Variants in APC observed in about 807,000 individuals in gnomAD.
APC encodes APC regulator of Wnt signaling pathway.
In APC, 72 loss-of-function variants were observed where a neutral mutation model predicts 247.0. That is an observed-to-expected ratio of 0.29 (90% CI 0.24 to 0.35). The LOEUF is 0.35. APC is among the 10% of genes least tolerant of loss of function. APC has a pLI of 1.00. For missense variants in APC, 3,400 were observed against 3,360.7 expected (o/e 1.01, Z -0.29); for synonymous variants, 1,254 against 1,162.5 (o/e 1.08, Z -1.60).
intron 10 of APC, among the ~76,000 whole-genome samples, chr5:112,821,524 TTAAAG>T (rs1180109479): frequency 6.6e-6 from 1 of 151,892 alleles, no homozygotes; most frequent in Non-Finnish European, 1.5e-5. Context: ...TGTTGTTTTT[TTAAAG>T]AAAGAAAGAA....
At chr5:112,708,324 C>A (rs1482938722) in intron 1 of APC, among the ~76,000 whole-genome samples, 1 of 152,210 alleles carries the variant, frequency 6.6e-6, no homozygotes, top group Non-Finnish European at 1.5e-5. Flanking sequence ...TATCCAAAGG[C>A]CGGTGAATTT....
chr5:112,791,945 A>G (rs1025199090), intron 6 of APC, among the ~76,000 whole-genome samples: 2 of 152,142 alleles, frequency 1.3e-5, no homozygotes, highest in African/African-American at 4.8e-5. Context: ...GTGTATTACA[A>G]AAAATTGAAC....
intron 6 of APC, among the ~76,000 whole-genome samples, chr5:112,791,289 C>T (rs1561500256): frequency 6.6e-6 from 1 of 152,156 alleles, no homozygotes; most frequent in Non-Finnish European, 1.5e-5. Flanking sequence ...TCTTTATGAT[C>T]CTAGTGTTGG....
At position 112,844,079 on chromosome 5, in the gene APC, C is replaced by G. The variant is rs2150006216; in HGVS notation, c.8485C>G (p.Gln2829Glu). 6.2e-7 allele frequency: 1 copy of G among 1,609,034 alleles called. No individual in the cohort carries two copies. The highest frequency in any genetic ancestry group is 1.7e-5 in the Admixed American group (1 of 58,650). Residue 2829 changes from glutamine to glutamate, a missense_variant, in exon 16 of 16, where the codon CAA becomes GAA. By Grantham distance (29) the Gln-to-Glu change is conservative. This residue lies in a region of APC where 1,788 missense variants were observed against 1,649.5 expected (regional missense o/e 1.08). Coordinates refer to ENST00000257430, the MANE Select transcript of APC (RefSeq NM_000038.6). Reference protein sequence around the residue: ...KTDSTESSGTQSPKRHSGSYL... With the variant: ...KTDSTESSGTESPKRHSGSYL... Reference sequence around the variant, plus strand: ...TGACAGCACAGAATCCAGTGGAACCCAAAGTCCTAAGCGCCATTCTGGGTC... The same window carrying G: ...TGACAGCACAGAATCCAGTGGAACCGAAAGTCCTAAGCGCCATTCTGGGTC...
In APC at chr5:112,755,181, A is replaced by G. The variant is rs922713409; in HGVS notation, c.135+156A>G. The G allele has an allele frequency of 8.0e-6, 5 of 628,420 alleles. No individual in the cohort carries two copies. In the African/African-American group the frequency reaches 1.0e-4, roughly 13 times the overall value. The allele number at this position is 628,420 out of a possible 1,614,324, so 38.9% of individuals were successfully genotyped here. ...CAAAAGTTAGCATTTATATTTTTAA[A>G]TAAGATATATTGAATTCATTCAGTG... On this transcript the variant is annotated intron_variant, in intron 2 of 15. Transcript: ENST00000257430.
Position 112,840,262 on chromosome 5 carries a change from T to G in APC, c.4668T>G (p.Thr1556=), listed in dbSNP as rs1554086074. Residue 1556 remains threonine (T), a synonymous_variant, in exon 16 of 16, where the codon ACT becomes ACG. Coordinates refer to ENST00000257430, the MANE Select transcript of APC (RefSeq NM_000038.6). The surrounding 1 kb of genome is among the most constrained non-coding windows in gnomAD (Gnocchi z 4.1). ...ACCAAGAGAAAGAGGCAGAAAAAAC[T>G]ATTGATTCTGAAAAGGACCTATTAG... ...NENQEKEAEK[T]IDSEKDLLDD... 6.2e-7 allele frequency: 1 copy of G among 1,613,948 alleles called. No individual in the cohort carries two copies. The highest frequency in any genetic ancestry group is 1.3e-5 in the African/African-American group (1 of 74,904).
intron 2 of APC, among the ~76,000 whole-genome samples, chr5:112,764,615 A>G (rs919509721): frequency 2.6e-5 from 4 of 152,268 alleles, no homozygotes; most frequent in Non-Finnish European, 5.9e-5. Context: ...TAAAGCATCC[A>G]TCAGTTGGTT....
At chr5:112,708,618 G>A (rs1750670852) in intron 1 of APC, among the ~76,000 whole-genome samples, 1 of 152,202 alleles carries the variant, frequency 6.6e-6, no homozygotes, top group Admixed American at 6.5e-5. Context: ...GTACAAGCAA[G>A]GATAAGTGAT....
Position 112,845,831 on chromosome 5 carries a change from GA to G in APC, c.*1709del. The stretch of plus-strand genomic sequence containing the variant: ...ATGCATACATATTTGTTGAATAAAT[GA>G]AAATTTATTTTTAGTGATAAGATTC... On this transcript the variant is annotated 3_prime_UTR_variant, in exon 16 of 16. Coordinates refer to ENST00000257430, the MANE Select transcript of APC (RefSeq NM_000038.6). 4.3e-6 allele frequency: 1 copy of G among 232,184 alleles called. No homozygotes were observed. The highest frequency in any genetic ancestry group is 6.1e-5 in the East Asian group (1 of 16,378). The allele number at this position is 232,184 out of a possible 1,614,324, so 14.4% of individuals were successfully genotyped here. A position where few individuals can be genotyped will look rare whatever the true frequency, so the allele number is the denominator to read the frequency against.
rs878853431 is a variant in APC, at chr5:112,838,359, T to G, written c.2765T>G (p.Leu922Arg). The G allele has an allele frequency of 6.8e-6, 11 of 1,614,194 alleles. No homozygotes were observed. Among genetic ancestry groups the G allele is most frequent in the Non-Finnish European group, 9.3e-6 (11 of 1,180,028 alleles). Residue 922 changes from leucine to arginine, a missense_variant, in exon 16 of 16, where the codon CTT becomes CGT. By Grantham distance (102) the Leu-to-Arg change is moderately radical. Coordinates refer to ENST00000257430, the MANE Select transcript of APC (RefSeq NM_000038.6). Reference protein sequence around the residue: ...LHCVTDERNALRRSSAAHTHS... With the variant: ...LHCVTDERNARRRSSAAHTHS... Reference sequence around the variant, plus strand: ...TGTGTGACAGATGAGAGAAATGCACTTAGAAGAAGCTCTGCTGCCCATACA... The same window carrying G: ...TGTGTGACAGATGAGAGAAATGCACGTAGAAGAAGCTCTGCTGCCCATACA...
At chr5:112,773,616 A>G (rs947831988) in intron 4 of APC, among the ~76,000 whole-genome samples, 6 of 152,188 alleles carry the variant, frequency 3.9e-5, no homozygotes, top group African/African-American at 1.4e-4. Context: ...GTTAGAGAAA[A>G]CATGTTATTA....
At chr5:112,816,082 C>T (rs1762482094) in intron 9 of APC, among the ~76,000 whole-genome samples, 5 of 152,244 alleles carry the variant, frequency 3.3e-5, no homozygotes, top group Admixed American at 3.3e-4. Context: ...TGGCTCACTT[C>T]CTGCTTCCTG....
At chr5:112,721,595 G>A (rs1218196229) in intron 1 of APC, among the ~76,000 whole-genome samples, 2 of 152,142 alleles carry the variant, frequency 1.3e-5, no homozygotes, top group Non-Finnish European at 2.9e-5. Flanking sequence ...GGTAATCCAC[G>A]TAGACTTTGA....
At chr5:112,807,136 G>GA (rs763967488) in intron 8 of APC, among the ~76,000 whole-genome samples, 11,890 of 117,044 alleles carry the variant, frequency 0.1, 974 homozygotes, top group African/African-American at 0.24. Context: ...CTATCTCAAG[G>GA]AAAAAAAAAA....
intron 1 of APC, among the ~76,000 whole-genome samples, chr5:112,740,576 G>C (rs1752895619): frequency 7.0e-6 from 1 of 143,752 alleles, no homozygotes; most frequent in Non-Finnish European, 1.5e-5. Flanking sequence ...ACCCAGGCTG[G>C]CGTGCAGTAG....
chr5:112,759,572 G>C (rs1220919578), intron 2 of APC, among the ~76,000 whole-genome samples: 1 of 151,870 alleles, frequency 6.6e-6, no homozygotes. Flanking sequence ...TAGCCAGGAT[G>C]TTCTCAATTT....
chr5:112,727,752 G>A (rs573048887), intron 1 of APC, among the ~76,000 whole-genome samples: 5 of 151,574 alleles, frequency 3.3e-5, no homozygotes, highest in Non-Finnish European at 5.9e-5. Context: ...GTGCTGTTTT[G>A]GTAACCTTCA....
intron 14 of APC, among the ~76,000 whole-genome samples, chr5:112,832,489 T>C (rs1764402217): frequency 6.6e-6 from 1 of 152,248 alleles, no homozygotes; most frequent in Non-Finnish European, 1.5e-5. Context: ...AATTTCTTGA[T>C]GAAGAGAGTA....
At chr5:112,710,724 G>T (rs1750801973) in intron 1 of APC, among the ~76,000 whole-genome samples, 1 of 152,188 alleles carries the variant, frequency 6.6e-6, no homozygotes, top group South Asian at 2.1e-4. Flanking sequence ...TGACTTTTGA[G>T]CAAGATAGAA....
Sources: allele counts gnomAD v4.1 joint callset (sites outside exome capture counted in the v4.1 genomes callset), GRCh38; gene constraint gnomAD v4.1.1; regional missense constraint gnomAD v4.1.1; non-coding constraint Gnocchi (gnomAD v3.1); transcripts MANE v1.5; gene names NCBI Gene and HGNC (gene_info 2026-07-23, HGNC 2026-07-21).